SLC30A8: variants seen among roughly 807,000 people sequenced by gnomAD.
SLC30A8 encodes the protein solute carrier family 30 member 8, also known as proton-coupled zinc antiporter SLC30A8.
Under a neutral mutation model 36.9 loss-of-function variants are expected in SLC30A8, and 27 were observed. The ratio of observed to expected loss-of-function variants is 0.73; its 90% CI spans 0.54 to 1.01. SLC30A8 has a LOEUF of 1.01. Ranked by LOEUF, SLC30A8 falls within the 50% of genes least tolerant of loss-of-function variation. The pLI is 0.00. For missense variants in SLC30A8, 439 were observed against 452.0 expected (o/e 0.97, Z 0.26); for synonymous variants, 164 against 172.4 (o/e 0.95, Z 0.38).
intron 2 of SLC30A8, among the ~76,000 whole-genome samples, chr8:117,053,346 C>G (rs1817768908): frequency 6.6e-6 from 1 of 152,134 alleles, no homozygotes; most frequent in African/African-American, 2.4e-5. Flanking sequence ...ATTCTCAGAT[C>G]CGTTCAGAGA....
chr8:116,980,871 C>A (rs984452880), intron 1 of SLC30A8, among the ~76,000 whole-genome samples: 2 of 152,194 alleles, frequency 1.3e-5, no homozygotes, highest in Non-Finnish European at 2.9e-5. Flanking sequence ...AAGACACTAT[C>A]ATTTCTGATG....
At chr8:117,064,573 A>T (rs533722148) in intron 2 of SLC30A8, among the ~76,000 whole-genome samples, 3 of 152,336 alleles carry the variant, frequency 2.0e-5, no homozygotes, top group African/African-American at 7.2e-5. Context: ...GTTCAATAGG[A>T]GTGATCACAG....
At chr8:116,977,036 C>G (rs529312723) in intron 1 of SLC30A8, among the ~76,000 whole-genome samples, 113 of 149,688 alleles carry the variant, frequency 7.5e-4, no homozygotes, top group African/African-American at 2.8e-3. Context: ...CCAGGATTGT[C>G]TTGATCTCTT....
chr8:117,065,490 G>A (rs888913543), intron 2 of SLC30A8, among the ~76,000 whole-genome samples: 8 of 152,156 alleles, frequency 5.3e-5, no homozygotes, highest in African/African-American at 1.9e-4. Context: ...TGGCCTAAGA[G>A]TCAGCATTTT....
intron 2 of SLC30A8, among the ~76,000 whole-genome samples, chr8:117,082,415 G>T (rs992299174): frequency 6.6e-6 from 1 of 152,210 alleles, no homozygotes; most frequent in African/African-American, 2.4e-5. Flanking sequence ...TTTTAAGGTT[G>T]AGAAGGTATT....
At position 117,034,574 on chromosome 8, in the gene SLC30A8, A is replaced by G. The variant is rs577585331; in HGVS notation, c.-265-4645A>G. 1.2e-4 allele frequency among the ~76,000 whole-genome samples: 18 copies of G among 152,288 alleles called. 1 individual carries two copies. The South Asian group carries it at 3.3e-3, about 28-fold the overall frequency. ...GGTGAGACTTACCCAACATAGCACA[A>G]CTAGAAGGTGCTAGAGCTGGGGTTT... On this transcript the variant is annotated intron_variant, in intron 1 of 10. Transcript: ENST00000427715.
intron 2 of SLC30A8, among the ~76,000 whole-genome samples, chr8:117,152,538 G>A (rs1586593786): frequency 6.6e-6 from 1 of 152,302 alleles, no homozygotes; most frequent in East Asian, 1.9e-4. Flanking sequence ...CTGTGGGCCA[G>A]ATCGCAACAT....
At chr8:117,086,583 G>C (rs1207399179) in intron 2 of SLC30A8, among the ~76,000 whole-genome samples, 1 of 152,210 alleles carries the variant, frequency 6.6e-6, no homozygotes, top group Non-Finnish European at 1.5e-5. Flanking sequence ...GTTAGGCTTA[G>C]CTCCAAGCTG....
intron 1 of SLC30A8, among the ~76,000 whole-genome samples, chr8:117,008,903 G>A (rs1468022342): frequency 6.6e-6 from 1 of 152,068 alleles, no homozygotes; most frequent in Non-Finnish European, 1.5e-5. Flanking sequence ...TGTTAGGTAG[G>A]CCCACATCCG....
intron 2 of SLC30A8, among the ~76,000 whole-genome samples, chr8:117,150,316 G>C (rs1000382059): frequency 6.6e-6 from 1 of 152,180 alleles, no homozygotes; most frequent in Non-Finnish European, 1.5e-5. Context: ...TTTCATTGCT[G>C]TCAGTAAGTC....
chr8:117,110,653 A>G (rs1820187602), intron 2 of SLC30A8, among the ~76,000 whole-genome samples: 1 of 152,206 alleles, frequency 6.6e-6, no homozygotes, highest in Admixed American at 6.5e-5. Flanking sequence ...GAATGGGCTG[A>G]GAAGGGTCCG....
chr8:117,107,926 C>G (rs2130872445), intron 2 of SLC30A8, among the ~76,000 whole-genome samples: 1 of 152,144 alleles, frequency 6.6e-6, no homozygotes, highest in East Asian at 1.9e-4. Context: ...CTCTTTCATT[C>G]TAATCACCTT....
intron 1 of SLC30A8, among the ~76,000 whole-genome samples, chr8:117,005,426 A>G (rs1367983398): frequency 6.6e-6 from 1 of 152,236 alleles, no homozygotes; most frequent in Non-Finnish European, 1.5e-5. Flanking sequence ...ATTGCGGACC[A>G]ATATTCCATT....
chr8:117,135,249 G>T lies in SLC30A8; in HGVS notation c.-79G>T, dbSNP rs549062821. The T allele has an allele frequency of 3.3e-6, 3 of 914,152 alleles. No homozygotes were observed. The highest frequency in any genetic ancestry group is 2.6e-5 in the East Asian group (1 of 37,920). 56.6% of individuals were successfully genotyped at this position (914,152 alleles called of 1,614,324 possible). ...TTCTTTAGAAAGTGTATAAATAATT[G>T]CAGTGCTGCTTTGCTTCCAAAACTG... On this transcript the variant is annotated 5_prime_UTR_variant, in exon 1 of 8. Transcript: ENST00000456015.
chr8:117,111,939 A>G (rs1015607350), intron 2 of SLC30A8, among the ~76,000 whole-genome samples: 2 of 152,076 alleles, frequency 1.3e-5, no homozygotes, highest in African/African-American at 4.8e-5. Flanking sequence ...TGTCTAGAAA[A>G]CAAGGCCAAT....
chr8:117,161,800 C>T lies in SLC30A8; in HGVS notation c.635C>T (p.Ala212Val). The change falls in exon 5 of 8, where the codon GCC becomes GTC. Residue 212 changes from alanine (A) to valine (V), a missense_variant. Physicochemically the swap from Ala to Val is moderately conservative, Grantham distance 64. Coordinates refer to ENST00000456015, the MANE Select transcript of SLC30A8 (RefSeq NM_173851.3). ...GHNHKEVQAN[A>V]SVRAAFVHAL... is the part of the protein sequence containing the mutation. ...AATCACAAGGAAGTACAAGCCAATG[C>T]CAGCGTCAGAGCTGCTTTTGTGCAT... 1 of 1,613,886 alleles carries T rather than the reference C, an allele frequency of 6.2e-7. No homozygotes were observed. The highest frequency in any genetic ancestry group is 8.5e-7 in the Non-Finnish European group (1 of 1,179,874).
At chr8:117,158,581 T>C (rs1224960386) in intron 4 of SLC30A8, among the ~76,000 whole-genome samples, 3 of 152,252 alleles carry the variant, frequency 2.0e-5, no homozygotes, top group Non-Finnish European at 4.4e-5. Flanking sequence ...GTCCATTCTT[T>C]TATCTAGGCA....
At chr8:116,982,936 C>T (rs1815324916) in intron 1 of SLC30A8, among the ~76,000 whole-genome samples, 1 of 152,102 alleles carries the variant, frequency 6.6e-6, no homozygotes, top group Non-Finnish European at 1.5e-5. Flanking sequence ...ATCAGGGCCA[C>T]ACATTAGTAA....
intron 1 of SLC30A8, among the ~76,000 whole-genome samples, chr8:116,957,865 T>G (rs1671121427): frequency 6.6e-6 from 1 of 152,174 alleles, no homozygotes; most frequent in South Asian, 2.1e-4. Context: ...TCAATAGCCA[T>G]GCACCAGCTT....
Sources: gnomAD v4.1 joint callset for allele counts (sites outside exome capture counted in the v4.1 genomes callset) on GRCh38, gnomAD v4.1.1 for gene constraint, MANE v1.5 for transcripts, NCBI Gene and HGNC (gene_info 2026-07-23, HGNC 2026-07-21) for gene names.